The following RCSD1 variants were observed in gnomAD, a reference collection of about 807,000 sequenced individuals.
The protein encoded by RCSD1 is RCSD domain containing 1.
RCSD1 carries 26 observed loss-of-function variants against 42.5 expected under a neutral mutation model. The ratio of observed to expected loss-of-function variants is 0.61; its 90% CI spans 0.45 to 0.85. The LOEUF (loss-of-function observed/expected upper bound fraction) is 0.85. Among genes scored for constraint, RCSD1 ranks in the 40% least tolerant of loss-of-function variants. The probability of loss-of-function intolerance (pLI) is 0.00; values close to 1 mark genes in which losing one functional copy is unlikely to be tolerated. For synonymous variants in RCSD1, 220 were observed against 212.2 expected (o/e 1.04, Z -0.32); for missense variants, 571 against 528.3 (o/e 1.08, Z -0.79).
intron 1 of RCSD1, among the ~76,000 whole-genome samples, chr1:167,680,606 G>A (rs914595223): frequency 2.6e-5 from 4 of 152,072 alleles, no homozygotes. Flanking sequence ...TCAGCCTCCT[G>A]AGTAGCTGGG....
chr1:167,661,483 T>C (rs1443754435), intron 1 of RCSD1, among the ~76,000 whole-genome samples: 4 of 152,228 alleles, frequency 2.6e-5, no homozygotes, highest in African/African-American at 4.8e-5. Context: ...CCATTTCTGC[T>C]CTCTGCTTTC....
intron 1 of RCSD1, among the ~76,000 whole-genome samples, chr1:167,640,220 C>T (rs2102197441): frequency 6.6e-6 from 1 of 152,300 alleles, no homozygotes; most frequent in South Asian, 2.1e-4. Context: ...CGTCTCCTTT[C>T]ATGGTTCTGG....
chr1:167,674,257 G>A (rs1326658784), intron 1 of RCSD1, among the ~76,000 whole-genome samples: 1 of 152,196 alleles, frequency 6.6e-6, no homozygotes, highest in Non-Finnish European at 1.5e-5. Flanking sequence ...AGCCCTCCCA[G>A]TGGTGGGTTG....
At chr1:167,696,149 C>T (rs1390100082) in intron 5 of RCSD1, among the ~76,000 whole-genome samples, 1 of 151,654 alleles carries the variant, frequency 6.6e-6, no homozygotes, top group Non-Finnish European at 1.5e-5. Flanking sequence ...CCCCTGAGGT[C>T]CCTGCACCAG....
chr1:167,703,536 C>T (rs979010303), intron 6 of RCSD1, among the ~76,000 whole-genome samples: 1 of 152,188 alleles, frequency 6.6e-6, no homozygotes, highest in Non-Finnish European at 1.5e-5. Flanking sequence ...ACAATCACAA[C>T]TCATTCCTAA....
At chr1:167,684,763 A>G (rs926260629) in intron 2 of RCSD1, among the ~76,000 whole-genome samples, 47 of 152,266 alleles carry the variant, frequency 3.1e-4, no homozygotes, top group African/African-American at 1.1e-3. Flanking sequence ...AAGCCCAGCT[A>G]CTCAGGAGGC....
rs750611077 is a variant in RCSD1, at chr1:167,694,199, C to T, written c.371C>T (p.Thr124Ile). 4.3e-6 allele frequency: 7 copies of T among 1,614,110 alleles called. No homozygotes were observed. In the Admixed American group the frequency reaches 5.0e-5, roughly 12 times the overall value. ...MVSPFHSPPSTPSSPGVRSRP... is the reference protein window; with the variant it reads ...MVSPFHSPPSIPSSPGVRSRP... ...TCGCCATTTCACAGCCCACCTTCTA[C>T]CCCCAGCAGCCCTGGTGTGCGATCT... Residue 124 changes from threonine to isoleucine, a missense_variant, in exon 5 of 7, where the codon ACC becomes ATC. Transcript: ENST00000367854.
At chr1:167,667,823 A>C (rs2102219118) in intron 1 of RCSD1, among the ~76,000 whole-genome samples, 1 of 152,208 alleles carries the variant, frequency 6.6e-6, no homozygotes, top group East Asian at 1.9e-4. Context: ...ATCCCTCACA[A>C]TGTTGCCCCA....
rs557866964 is a variant in RCSD1 at position 167,680,629 on chromosome 1, C to T, written c.7-3271C>T. Among the ~76,000 whole-genome samples the T allele has an allele frequency of 6.6e-5, 10 of 152,150 alleles. No homozygotes were observed. The South Asian group carries it at 1.5e-3, about 22-fold the overall frequency. ...CTGAGTAGCTGGGACCATAGGCACACGCCACCACACTAGGCTAATATTGTA... is the reference window on the plus strand; with the variant it reads ...CTGAGTAGCTGGGACCATAGGCACATGCCACCACACTAGGCTAATATTGTA... On this transcript the variant is annotated intron_variant, in intron 1 of 6. Coordinates refer to ENST00000367854, the MANE Select transcript of RCSD1 (RefSeq NM_052862.4).
At chr1:167,669,790 G>A (rs1031052220) in intron 1 of RCSD1, among the ~76,000 whole-genome samples, 2 of 152,190 alleles carry the variant, frequency 1.3e-5, no homozygotes, top group African/African-American at 4.8e-5. Context: ...GGGACCAGAG[G>A]GCCCAGCACC....
intron 1 of RCSD1, among the ~76,000 whole-genome samples, chr1:167,645,700 C>A (rs551910453): frequency 1.1e-4 from 16 of 152,292 alleles, no homozygotes; most frequent in African/African-American, 3.8e-4. Context: ...CCACGGGGAA[C>A]TGTGAGTGCC....
chr1:167,680,926 A>T (rs113218053), intron 1 of RCSD1, among the ~76,000 whole-genome samples: 88 of 152,310 alleles, frequency 5.8e-4, no homozygotes, highest in African/African-American at 2.0e-3. Context: ...AGTCAAGGTG[A>T]GGGTATGGCC....
At chr1:167,659,160 TATC>T (rs2102212735) in intron 1 of RCSD1, among the ~76,000 whole-genome samples, 1 of 152,348 alleles carries the variant, frequency 6.6e-6, no homozygotes, top group Non-Finnish European at 1.5e-5. Flanking sequence ...TGACAAGTAC[TATC>T]GTAAGTTTGA....
At chr1:167,692,706 C>T (rs1195479631) in intron 4 of RCSD1, among the ~76,000 whole-genome samples, 1 of 152,230 alleles carries the variant, frequency 6.6e-6, no homozygotes, top group Admixed American at 6.5e-5. Context: ...TGCTATTTAA[C>T]TTTCGTATTT....
chr1:167,693,029 T>C (rs760319602), intron 4 of RCSD1, among the ~76,000 whole-genome samples: 1 of 152,206 alleles, frequency 6.6e-6, no homozygotes, highest in Non-Finnish European at 1.5e-5. Context: ...GGAAAGGCTG[T>C]TGGACTTGCT....
At chr1:167,639,016 G>A (rs1027194420) in intron 1 of RCSD1, among the ~76,000 whole-genome samples, 1 of 152,186 alleles carries the variant, frequency 6.6e-6, no homozygotes, top group African/African-American at 2.4e-5. Context: ...AGGAGATTGA[G>A]ACCATCCTGG....
intron 1 of RCSD1, among the ~76,000 whole-genome samples, chr1:167,666,657 G>C (rs536933832): frequency 6.6e-6 from 1 of 152,282 alleles, no homozygotes; most frequent in African/African-American, 2.4e-5. Context: ...AGGCCCAAAG[G>C]GAGCATCCAG....
At chr1:167,653,308 G>A (rs551098161) in intron 1 of RCSD1, among the ~76,000 whole-genome samples, 3 of 152,306 alleles carry the variant, frequency 2.0e-5, no homozygotes, top group South Asian at 4.1e-4. Context: ...AACATGTTGT[G>A]TAATTTTCCT....
At chr1:167,636,162 T>G (rs2102193789) in intron 1 of RCSD1, among the ~76,000 whole-genome samples, 1 of 152,330 alleles carries the variant, frequency 6.6e-6, no homozygotes, top group East Asian at 1.9e-4. Context: ...CCCATGAGGC[T>G]CACCCTGTAG....
Sources: allele counts gnomAD v4.1 joint callset (sites outside exome capture counted in the v4.1 genomes callset), GRCh38; gene constraint gnomAD v4.1.1; transcripts MANE v1.5; gene names NCBI Gene and HGNC (gene_info 2026-07-23, HGNC 2026-07-21).